The following TEX14 variants were observed in gnomAD, a reference collection of about 807,000 sequenced individuals.
TEX14 encodes testis expressed 14, intercellular bridge forming factor.
In TEX14, 168 loss-of-function variants were observed where a neutral mutation model predicts 178.6. The ratio of observed to expected loss-of-function variants is 0.94; its 90% CI spans 0.83 to 1.07. The LOEUF is 1.07. TEX14 is among the 50% of genes least tolerant of loss of function. The pLI, the probability that TEX14 is intolerant of heterozygous loss-of-function variation, is 0.00. For synonymous variants in TEX14, 626 were observed against 634.1 expected, an observed-to-expected ratio of 0.99 and a Z score of 0.19; for missense variants, 1,730 against 1,753.6, an observed-to-expected ratio of 0.99 and a Z score of 0.24.
chr17:58,682,130 G>C (rs2047510433), intron 1 of TEX14, among the ~76,000 whole-genome samples: 1 of 152,004 alleles, frequency 6.6e-6, no homozygotes, highest in Non-Finnish European at 1.5e-5. Flanking sequence ...TGTATTTTTT[G>C]TAGAGAGGGA....
At chr17:58,596,330 A>G (rs2045280195) in intron 14 of TEX14, among the ~76,000 whole-genome samples, 1 of 152,124 alleles carries the variant, frequency 6.6e-6, no homozygotes, top group African/African-American at 2.4e-5. Flanking sequence ...TGCCTGTGCT[A>G]GAGTGCTGTC....
chr17:58,613,510 C>T lies in TEX14; in HGVS notation c.916G>A (p.Ala306Thr), dbSNP rs745842017. The T allele has an allele frequency of 3.1e-6, 5 of 1,614,062 alleles. No individual in the cohort carries two copies. The highest frequency in any genetic ancestry group is 4.2e-6 in the Non-Finnish European group (5 of 1,179,986). The change falls in exon 9 of 32, where the codon GCT (alanine) becomes ACT (threonine). Residue 306 changes from alanine to threonine, a missense_variant. Ala to Thr is a moderately conservative substitution (Grantham distance 58, BLOSUM62 0). Coordinates refer to ENST00000349033, the MANE Select transcript of TEX14 (RefSeq NM_031272.5). ...TCTAGGTCCTGGGAGAGACACACAG[C>T]CATCAACTGTAGCAAGTAGGGGTGC... is the stretch of plus-strand genomic sequence containing the variant. ...LRHPYLLQLM[A>T]VCLSQDLEKT... is the part of the protein sequence containing the mutation.
Position 58,599,332 on chromosome 17 carries a change from C to A in TEX14, c.2013G>T (p.Ala671=). 2 of 1,613,902 alleles carry A rather than the reference C, an allele frequency of 1.2e-6. No individual in the cohort carries two copies. The highest frequency in any genetic ancestry group is 2.2e-5 in the East Asian group (1 of 44,876). Residue 671 remains alanine, a synonymous_variant, in exon 14 of 32, where the codon GCG becomes GCT. Transcript: ENST00000349033. The part of the protein sequence containing the change: ...EEELDKMERE[A]CCFGSEDESS... The stretch of plus-strand genomic sequence containing the variant: ...TCTCATCCTCACTGCCAAAACAACA[C>A]GCCTCTCTCTCCATCTTATCCAGCT...
rs549409399 is a variant in TEX14, at chr17:58,607,944, T to C, written c.1185-2815A>G. Among the ~76,000 whole-genome samples, 27 of 152,158 alleles carry C rather than the reference T, an allele frequency of 1.8e-4. 1 individual carries two copies. In the East Asian group the frequency reaches 4.8e-3, roughly 27 times the overall value. Reference sequence around the variant, plus strand: ...GGAGATTGAGATTGTAGTGAGCCACTGTACTATGGCCTGGGCAAAAGAGAG... The same window carrying C: ...GGAGATTGAGATTGTAGTGAGCCACCGTACTATGGCCTGGGCAAAAGAGAG... On this transcript the variant is annotated intron_variant, in intron 10 of 31. Coordinates refer to ENST00000349033, the MANE Select transcript of TEX14 (RefSeq NM_031272.5).
chr17:58,621,800 CAG>C lies in TEX14; in HGVS notation c.418-16_418-15del. The C allele has an allele frequency of 6.2e-7, 1 of 1,608,442 alleles. No homozygotes were observed. Among genetic ancestry groups the C allele is most frequent in the Non-Finnish European group, 8.5e-7 (1 of 1,176,530 alleles). On this transcript the variant is annotated splice_polypyrimidine_tract_variant and intron_variant, in intron 4 of 31. Transcript: ENST00000349033. Reference sequence around the variant, plus strand: ...GAACTCCACTATCTGCAAAACATCGCAGAGATGCCCAGTGCGGGCGCACCAGT... The same window carrying C: ...GAACTCCACTATCTGCAAAACATCGCAGATGCCCAGTGCGGGCGCACCAGT...
chr17:58,643,152 C>T (rs2144615568), intron 2 of TEX14, among the ~76,000 whole-genome samples: 1 of 152,324 alleles, frequency 6.6e-6, no homozygotes, highest in East Asian at 1.9e-4. Context: ...CTGCTACTGA[C>T]CTGTTGGGAA....
chr17:58,665,604 C>CA (rs971050358), intron 1 of TEX14, among the ~76,000 whole-genome samples: 6 of 150,742 alleles, frequency 4.0e-5, no homozygotes, highest in East Asian at 2.0e-4. Context: ...TCATAAAAAA[C>CA]AAAAAACAAA....
chr17:58,615,718 T>TA (rs2144528106), intron 7 of TEX14, among the ~76,000 whole-genome samples: 1 of 151,884 alleles, frequency 6.6e-6, no homozygotes. Flanking sequence ...GCAGCAGCAA[T>TA]AAAACAGCTT....
At chr17:58,661,296 C>G (rs1371827810) in intron 1 of TEX14, 1 of 814,980 alleles carries the variant, frequency 1.2e-6, no homozygotes. Flanking sequence ...TGCAAATGAT[C>G]TAGACGCTTA....
At chr17:58,629,218 T>C (rs1036893990) in intron 3 of TEX14, among the ~76,000 whole-genome samples, 3 of 152,186 alleles carry the variant, frequency 2.0e-5, no homozygotes, top group African/African-American at 7.2e-5. Context: ...CCCAGCACTG[T>C]GGGAGGCCAA....
chr17:58,633,113 G>A (rs1479844830), intron 2 of TEX14, among the ~76,000 whole-genome samples: 1 of 152,004 alleles, frequency 6.6e-6, no homozygotes, highest in Non-Finnish European at 1.5e-5. Flanking sequence ...CCTCATACTC[G>A]CCATGCTCCT....
chr17:58,634,724 C>T (rs769450799), intron 2 of TEX14, among the ~76,000 whole-genome samples: 12 of 152,142 alleles, frequency 7.9e-5, no homozygotes, highest in Non-Finnish European at 1.5e-4. Flanking sequence ...GGGGGCAAGG[C>T]ACTAACCTGT....
intron 2 of TEX14, among the ~76,000 whole-genome samples, chr17:58,641,438 C>A (rs1288837924): frequency 6.6e-6 from 1 of 151,608 alleles, no homozygotes; most frequent in East Asian, 1.9e-4. Context: ...AGTAGCCAAC[C>A]AGGCTGCTGT....
chr17:58,602,716 T>C, intron 11 of TEX14, 126 bp from the exon 12 acceptor site: 1 of 668,586 alleles, frequency 1.5e-6, no homozygotes, highest in East Asian at 2.7e-5. Context: ...TTTTTTCTAA[T>C]CCACTGTACT....
At position 58,557,363 on chromosome 17, in the gene TEX14, C is replaced by T. The variant is rs562302491; in HGVS notation, c.4320-316G>A. 1.4e-4 allele frequency among the ~76,000 whole-genome samples: 22 copies of T among 151,840 alleles called. 1 individual carries two copies. In the South Asian group the frequency reaches 2.9e-3, roughly 20 times the overall value. On this transcript the variant is annotated intron_variant, in intron 31 of 31. Coordinates refer to ENST00000349033, the MANE Select transcript of TEX14 (RefSeq NM_031272.5). ...TCGGCTCACTGCAACCTCTGCCTTC[C>T]GGGTTTAAGCGATTGTCCTGCCTCA... is the stretch of plus-strand genomic sequence containing the variant.
intron 2 of TEX14, among the ~76,000 whole-genome samples, chr17:58,642,450 C>T (rs1158457412): frequency 1.3e-5 from 2 of 152,046 alleles, no homozygotes; most frequent in Non-Finnish European, 2.9e-5. Flanking sequence ...AAAGGGACAG[C>T]GTTGGGGCAA....
intron 30 of TEX14, 136 bp downstream of exon 30, chr17:58,559,317 C>T: frequency 3.7e-6 from 2 of 538,576 alleles, no homozygotes; most frequent in Admixed American, 3.2e-5. Flanking sequence ...AAAACCTGAG[C>T]TGAACTGCAG....
chr17:58,686,501 C>T (rs1383785692), intron 1 of TEX14, among the ~76,000 whole-genome samples: 1 of 152,072 alleles, frequency 6.6e-6, no homozygotes, highest in Non-Finnish European at 1.5e-5. Context: ...ATCTGGACGG[C>T]AGAGGGTCAG....
intron 2 of TEX14, among the ~76,000 whole-genome samples, chr17:58,638,588 G>T (rs796655887): frequency 3.3e-5 from 5 of 152,254 alleles, no homozygotes; most frequent in African/African-American, 1.2e-4. Context: ...ACCCAGGCTG[G>T]AGTGCAGTGG....
Sources: allele counts gnomAD v4.1 joint callset (sites outside exome capture counted in the v4.1 genomes callset), GRCh38; gene constraint gnomAD v4.1.1; transcripts MANE v1.5; gene names NCBI Gene and HGNC (gene_info 2026-07-23, HGNC 2026-07-21).